NRXN1: variants seen among roughly 807,000 people sequenced by gnomAD.
NRXN1 encodes neurexin-1.
NRXN1 carries 39 observed loss-of-function variants against 150.9 expected under a neutral mutation model. The observed-to-expected ratio is 0.26, with a 90% CI of 0.20 to 0.34. The LOEUF (loss-of-function observed/expected upper bound fraction) is 0.34, where lower values mean the gene tolerates loss of function less well. NRXN1 is among the 10% of genes least tolerant of loss of function. The pLI is 1.00. For synonymous variants in NRXN1, 924 were observed against 757.0 expected, an observed-to-expected ratio of 1.22 and a Z score of -3.62; for missense variants, 1,815 against 1,949.9, an observed-to-expected ratio of 0.93 and a Z score of 1.30.
At chr2:50,205,505 C>T (rs2062503576) in intron 18 of NRXN1, among the ~76,000 whole-genome samples, 1 of 151,958 alleles carries the variant, frequency 6.6e-6, no homozygotes, top group African/African-American at 2.4e-5. Context: ...TGAATTCTTT[C>T]AAGAATGCCA....
At chr2:50,007,299 TC>T (rs112499893) in intron 21 of NRXN1, among the ~76,000 whole-genome samples, 8 of 152,168 alleles carry the variant, frequency 5.3e-5, no homozygotes, top group African/African-American at 1.9e-4. Flanking sequence ...TGAGCTTTGA[TC>T]CCACCACTGC....
chr2:50,809,736 C>CT (rs559891960), intron 5 of NRXN1, among the ~76,000 whole-genome samples: 57 of 152,230 alleles, frequency 3.7e-4, no homozygotes, highest in African/African-American at 1.3e-3. Context: ...AAACACATGT[C>CT]TAAGAGAACC....
chr2:50,990,244 T>C (rs907513116), intron 2 of NRXN1, among the ~76,000 whole-genome samples: 5 of 152,016 alleles, frequency 3.3e-5, no homozygotes. Flanking sequence ...TTTTCTTCTA[T>C]CTCTTGAGTT....
intron 21 of NRXN1, among the ~76,000 whole-genome samples, chr2:50,011,443 A>G (rs945375351): frequency 6.6e-6 from 1 of 152,142 alleles, no homozygotes; most frequent in African/African-American, 2.4e-5. Flanking sequence ...ATTATGATTG[A>G]CTTTTGGTGA....
chr2:50,080,728 T>C (rs916789770), intron 19 of NRXN1, among the ~76,000 whole-genome samples: 5 of 152,126 alleles, frequency 3.3e-5, no homozygotes, highest in Non-Finnish European at 7.4e-5. Flanking sequence ...TGTTTTAAAC[T>C]GGAAGTACAA....
intron 2 of NRXN1, among the ~76,000 whole-genome samples, chr2:50,984,173 TG>T (rs1305000565): frequency 4.2e-5 from 5 of 118,322 alleles, no homozygotes; most frequent in African/African-American, 1.4e-4. Flanking sequence ...TTAGTAGAGA[TG>T]GGGTTTCACC....
chr2:50,646,999 A>G (rs1684910370), intron 5 of NRXN1, among the ~76,000 whole-genome samples: 1 of 151,622 alleles, frequency 6.6e-6, no homozygotes, highest in East Asian at 2.0e-4. Flanking sequence ...TCAAAACTCA[A>G]GCATTATATT....
intron 5 of NRXN1, among the ~76,000 whole-genome samples, chr2:50,866,385 G>A (rs960144780): frequency 6.6e-6 from 1 of 151,832 alleles, no homozygotes; most frequent in Non-Finnish European, 1.5e-5. Flanking sequence ...CAGTTAAATT[G>A]ATTAATTGTT....
intron 5 of NRXN1, among the ~76,000 whole-genome samples, chr2:50,748,297 C>T (rs573430655): frequency 1.3e-4 from 20 of 152,104 alleles, no homozygotes; most frequent in Non-Finnish European, 2.2e-4. Flanking sequence ...TAGCACACTG[C>T]GCAGCACTGA....
intron 15 of NRXN1, among the ~76,000 whole-genome samples, chr2:50,478,070 A>C (rs1252477613): frequency 1.3e-5 from 2 of 152,152 alleles, no homozygotes; most frequent in African/African-American, 2.4e-5. Flanking sequence ...TTGCACACAC[A>C]TAAAGGAATA....
intron 13 of NRXN1, among the ~76,000 whole-genome samples, chr2:50,499,966 A>T (rs62135008): frequency 6.7e-6 from 1 of 150,044 alleles, no homozygotes; most frequent in Non-Finnish European, 1.5e-5. Flanking sequence ...AAAAAAAAAA[A>T]GTCATATGGG....
chr2:50,532,484 T>G (rs894030228), intron 10 of NRXN1, among the ~76,000 whole-genome samples: 1 of 152,184 alleles, frequency 6.6e-6, no homozygotes, highest in East Asian at 1.9e-4. Flanking sequence ...AGCCATTATG[T>G]TTAGCAAGGT....
chr2:50,356,422 T>C (rs1039289270), intron 17 of NRXN1, among the ~76,000 whole-genome samples: 23 of 152,222 alleles, frequency 1.5e-4, no homozygotes, highest in Admixed American at 1.5e-3. Context: ...TTGATACCTG[T>C]ATAAGAAATA....
intron 13 of NRXN1, among the ~76,000 whole-genome samples, chr2:50,498,129 C>T (rs1453112133): frequency 6.6e-6 from 1 of 151,974 alleles, no homozygotes; most frequent in Non-Finnish European, 1.5e-5. Context: ...TACATCTCAG[C>T]CTCATGGATA....
At chr2:50,784,202 G>T (rs1023879033) in intron 5 of NRXN1, among the ~76,000 whole-genome samples, 2 of 152,088 alleles carry the variant, frequency 1.3e-5, no homozygotes, top group African/African-American at 4.8e-5. Flanking sequence ...CTAGGCACTA[G>T]GGTTATAAAA....
intron 17 of NRXN1, among the ~76,000 whole-genome samples, chr2:50,445,987 C>A (rs967536220): frequency 6.6e-6 from 1 of 152,112 alleles, no homozygotes; most frequent in East Asian, 1.9e-4. Context: ...AATTCATAAA[C>A]TGCAAGGCCT....
chr2:50,318,544 A>G (rs1028225811), intron 17 of NRXN1, among the ~76,000 whole-genome samples: 1 of 152,114 alleles, frequency 6.6e-6, no homozygotes, highest in Non-Finnish European at 1.5e-5. Context: ...AATATCCATG[A>G]GCATAGAGTG....
In NRXN1 at chr2:50,544,414, G is replaced by A. The variant is rs181244535; in HGVS notation, c.1760-5778C>T. ...TTTTTAAAACCAATGTTATCTATGAGGTTTTTAAAGAAATAAAATTAACTG... is the reference window on the plus strand; with the variant it reads ...TTTTTAAAACCAATGTTATCTATGAAGTTTTTAAAGAAATAAAATTAACTG... On this transcript the variant is annotated intron_variant, in intron 9 of 22. Coordinates refer to ENST00000401669, the MANE Select transcript of NRXN1 (RefSeq NM_001330078.2). Among the ~76,000 whole-genome samples, 461 of 151,900 alleles carry A rather than the reference G, an allele frequency of 3.0e-3. 1 individual carries two copies. The highest frequency in any genetic ancestry group is 0.01 in the African/African-American group (428 of 41,462).
intron 2 of NRXN1, among the ~76,000 whole-genome samples, chr2:50,951,156 A>C (rs1307270808): frequency 6.6e-6 from 1 of 152,186 alleles, no homozygotes; most frequent in Non-Finnish European, 1.5e-5. Context: ...ACAGCTCAGG[A>C]TAATTCCTTG....
Sources: allele counts gnomAD v4.1 joint callset (sites outside exome capture counted in the v4.1 genomes callset), GRCh38; gene constraint gnomAD v4.1.1; transcripts MANE v1.5; gene names NCBI Gene and HGNC (gene_info 2026-07-23, HGNC 2026-07-21).